THSD7B: variants seen among roughly 807,000 people sequenced by gnomAD.
THSD7B encodes the protein thrombospondin type 1 domain containing 7B.
THSD7B carries 138 observed loss-of-function variants against 213.6 expected under a neutral mutation model. The observed-to-expected ratio is 0.65, with a 90% confidence interval of 0.56 to 0.74. THSD7B has a LOEUF of 0.74. THSD7B is among the 30% of genes least tolerant of loss of function. The probability of loss-of-function intolerance (pLI) is 0.00; values close to 1 mark genes in which losing one functional copy is unlikely to be tolerated. For synonymous variants in THSD7B, 742 were observed against 687.0 expected (o/e 1.08, Z -1.25); for missense variants, 1,931 against 1,991.5 (o/e 0.97, Z 0.58).
At chr2:137,448,988 A>G (rs1687596689) in intron 14 of THSD7B, among the ~76,000 whole-genome samples, 2 of 152,122 alleles carry the variant, frequency 1.3e-5, no homozygotes, top group African/African-American at 4.8e-5. Flanking sequence ...TGTTTGTTTT[A>G]TTTTTGTAAA....
At chr2:137,633,306 A>G (rs1382080582) in intron 20 of THSD7B, among the ~76,000 whole-genome samples, 2 of 152,206 alleles carry the variant, frequency 1.3e-5, no homozygotes, top group African/African-American at 2.4e-5. Flanking sequence ...CTGCTTTCAG[A>G]AATTTACTGT....
chr2:137,077,767 C>T (rs548462732), intron 3 of THSD7B, among the ~76,000 whole-genome samples: 4,485 of 134,392 alleles, frequency 0.033, 199 homozygotes, highest in African/African-American at 0.074. Flanking sequence ...TTCTCCCATT[C>T]CATAGGTTGC....
intron 1 of THSD7B, among the ~76,000 whole-genome samples, chr2:136,785,831 T>C (rs576869956): frequency 7.2e-5 from 11 of 152,354 alleles, no homozygotes; most frequent in African/African-American, 2.4e-4. Flanking sequence ...GAGCCTGTTT[T>C]ATAAAATGTA....
intron 14 of THSD7B, among the ~76,000 whole-genome samples, chr2:137,413,913 G>C (rs1261210790): frequency 6.6e-6 from 1 of 152,120 alleles, no homozygotes; most frequent in Non-Finnish European, 1.5e-5. Flanking sequence ...GGTTAGACTA[G>C]GGTGGTGGCA....
At chr2:137,204,110 C>T (rs149533178) in intron 7 of THSD7B, among the ~76,000 whole-genome samples, 42 of 152,158 alleles carry the variant, frequency 2.8e-4, no homozygotes, top group African/African-American at 1.0e-3. Flanking sequence ...CAAGACAGTT[C>T]AGTCCTCTGG....
rs149658924 is a variant in THSD7B, at chr2:137,178,547, C to T, written c.1723+7609C>T. On this transcript the variant is annotated intron_variant, in intron 7 of 27. Coordinates refer to ENST00000409968, the MANE Select transcript of THSD7B (RefSeq NM_001316349.2). ...AGAAAGTTTTTGTAGCCAAGTTCCTCGTTCCCTTTCATTTAGTTGTCTTGC... is the reference window on the plus strand; with the variant it reads ...AGAAAGTTTTTGTAGCCAAGTTCCTTGTTCCCTTTCATTTAGTTGTCTTGC... 3.1e-3 allele frequency among the ~76,000 whole-genome samples: 468 copies of T among 152,296 alleles called. 3 individuals are homozygous for T. The highest frequency in any genetic ancestry group is 0.023 in the Admixed American group (347 of 15,308).
intron 1 of THSD7B, among the ~76,000 whole-genome samples, chr2:136,766,415 G>A (rs578160093): frequency 1.3e-5 from 2 of 152,016 alleles, no homozygotes; most frequent in Admixed American, 6.5e-5. Context: ...GGGCAGGGAG[G>A]GGGGGACAGG....
At chr2:137,596,854 TA>T (rs1227598977) in intron 17 of THSD7B, among the ~76,000 whole-genome samples, 1 of 152,084 alleles carries the variant, frequency 6.6e-6, no homozygotes, top group African/African-American at 2.4e-5. Context: ...CTATATATTC[TA>T]AATTATTTTT....
intron 5 of THSD7B, among the ~76,000 whole-genome samples, chr2:137,143,374 A>G (rs1679630564): frequency 6.6e-6 from 1 of 152,148 alleles, no homozygotes; most frequent in South Asian, 2.1e-4. Flanking sequence ...AACAGTGCCT[A>G]GAGAAAGGCT....
intron 14 of THSD7B, among the ~76,000 whole-genome samples, chr2:137,419,827 C>T (rs1686885129): frequency 6.6e-6 from 1 of 151,930 alleles, no homozygotes; most frequent in African/African-American, 2.4e-5. Context: ...TGTCTGCCTC[C>T]TGTCATTATC....
intron 15 of THSD7B, among the ~76,000 whole-genome samples, chr2:137,521,054 C>G (rs1469063646): frequency 6.6e-6 from 1 of 152,066 alleles, no homozygotes; most frequent in Non-Finnish European, 1.5e-5. Context: ...GTTTTTGCTG[C>G]TTGGTAGTAT....
At chr2:137,142,689 A>T (rs1288842327) in intron 5 of THSD7B, among the ~76,000 whole-genome samples, 1 of 152,096 alleles carries the variant, frequency 6.6e-6, no homozygotes, top group African/African-American at 2.4e-5. Flanking sequence ...CTAGGTAGGA[A>T]ATCTATCACA....
chr2:137,198,595 A>G (rs539936189), intron 7 of THSD7B, among the ~76,000 whole-genome samples: 2 of 152,212 alleles, frequency 1.3e-5, no homozygotes, highest in Non-Finnish European at 2.9e-5. Context: ...TGACCAGAAC[A>G]TGTCCTTCTT....
intron 15 of THSD7B, among the ~76,000 whole-genome samples, chr2:137,459,237 T>C (rs1687831629): frequency 6.6e-6 from 1 of 152,144 alleles, no homozygotes; most frequent in Admixed American, 6.5e-5. Context: ...AGTCTCCCAT[T>C]CTTTAGATTT....
intron 10 of THSD7B, among the ~76,000 whole-genome samples, chr2:137,244,945 T>C (rs770053784): frequency 3.3e-5 from 5 of 152,130 alleles, no homozygotes; most frequent in African/African-American, 4.8e-5. Flanking sequence ...GGAAGAATTA[T>C]TAATATGCAG....
rs185130814 is a variant in THSD7B at position 137,550,653 on chromosome 2, G to T, written c.3139-12568G>T. Among the ~76,000 whole-genome samples, 26 of 152,242 alleles carry T rather than the reference G, an allele frequency of 1.7e-4. 1 individual carries two copies. Among genetic ancestry groups the T allele is most frequent in the African/African-American group, 6.3e-4 (26 of 41,558 alleles). On this transcript the variant is annotated intron_variant, in intron 15 of 27. Coordinates refer to ENST00000409968, the MANE Select transcript of THSD7B (RefSeq NM_001316349.2). ...TTGAAGGGAGTCAGGAAGCACAGGAGTGAGGATGAAGTACATGCATGGCTT... is the reference window on the plus strand; with the variant it reads ...TTGAAGGGAGTCAGGAAGCACAGGATTGAGGATGAAGTACATGCATGGCTT...
At position 137,432,085 on chromosome 2, in the gene THSD7B, T is replaced by TA. The variant is rs201125933; in HGVS notation, c.2960-18751dup. 2.7e-4 allele frequency among the ~76,000 whole-genome samples: 41 copies of TA among 151,754 alleles called. No homozygotes were observed. The East Asian group carries it at 5.2e-3, about 19-fold the overall frequency. Reference sequence around the variant, plus strand: ...TTGGTTCAAATTAACTTCATTTAATTAAAAAAAAATTAAAAACTTGTCAGC... The same window carrying TA: ...TTGGTTCAAATTAACTTCATTTAATTAAAAAAAAAATTAAAAACTTGTCAGC... On this transcript the variant is annotated intron_variant, in intron 14 of 27. Transcript: ENST00000409968.
chr2:136,825,963 G>A (rs1051348321), intron 1 of THSD7B, among the ~76,000 whole-genome samples: 5 of 152,042 alleles, frequency 3.3e-5, no homozygotes, highest in African/African-American at 1.2e-4. Context: ...CACCTGCAGT[G>A]TCCTTTTTGC....
At chr2:137,210,942 T>C (rs1681089625) in intron 7 of THSD7B, among the ~76,000 whole-genome samples, 1 of 151,982 alleles carries the variant, frequency 6.6e-6, no homozygotes, top group South Asian at 2.1e-4. Context: ...ATAATTCATT[T>C]GGGGGAAAAA....
Sources: gnomAD v4.1 joint callset for allele counts (sites outside exome capture counted in the v4.1 genomes callset) on GRCh38, gnomAD v4.1.1 for gene constraint, MANE v1.5 for transcripts, NCBI Gene and HGNC (gene_info 2026-07-23, HGNC 2026-07-21) for gene names.